PTGER4: variants seen among roughly 807,000 people sequenced by gnomAD.
PTGER4 encodes the protein prostaglandin E2 receptor EP4 subtype.
In PTGER4, 11 loss-of-function variants were observed where a neutral mutation model predicts 33.2. The observed-to-expected ratio is 0.33, with a 90% CI of 0.21 to 0.55. The LOEUF (loss-of-function observed/expected upper bound fraction) is 0.55, where lower values mean the gene tolerates loss of function less well. Ranked by LOEUF, PTGER4 falls within the 20% of genes least tolerant of loss-of-function variation. The pLI is 0.92. For missense variants in PTGER4, 481 were observed against 650.2 expected, an observed-to-expected ratio of 0.74 and a Z score of 2.83; for synonymous variants, 275 against 281.5, an observed-to-expected ratio of 0.98 and a Z score of 0.23.
At chr5:40,687,415 C>T (rs917462308) in intron 2 of PTGER4, among the ~76,000 whole-genome samples, 1 of 152,164 alleles carries the variant, frequency 6.6e-6, no homozygotes, top group Non-Finnish European at 1.5e-5. Flanking sequence ...ACTGCCTGAA[C>T]TTGTTTAATT....
chr5:40,691,755 A>C lies in PTGER4; in HGVS notation c.868-24A>C, dbSNP rs1175293106. On this transcript the variant is annotated intron_variant, in intron 2 of 2. Coordinates refer to ENST00000302472, the MANE Select transcript of PTGER4 (RefSeq NM_000958.3). The surrounding 1 kb of genome is among the most constrained non-coding windows in gnomAD (Gnocchi z 4.2). ...TCCCAATTGATTAATGATGAAATCT[A>C]AATGTGCGATCTCACTTATGCAGGT... 1 of 1,592,126 alleles carries C rather than the reference A, an allele frequency of 6.3e-7. No homozygotes were observed. The highest frequency in any genetic ancestry group is 1.8e-5 in the Admixed American group (1 of 56,760).
the PTGER4 span, chr5:40,730,494 T>C: frequency 1.4e-5 from 8 of 564,762 alleles, no homozygotes; most frequent in South Asian, 5.2e-5. Flanking sequence ...TAAGTACATA[T>C]AGTTCATTCA....
At chr5:40,746,373 C>T in the PTGER4 span, among the ~76,000 whole-genome samples, 2 of 152,074 alleles carry the variant, frequency 1.3e-5, no homozygotes, top group Non-Finnish European at 2.9e-5. Flanking sequence ...CAAAGAATAA[C>T]TAAATACCTA....
the PTGER4 span, among the ~76,000 whole-genome samples, chr5:40,738,841 AT>A: frequency 2.0e-3 from 311 of 152,014 alleles, 1 homozygote; most frequent in Non-Finnish European, 3.6e-3. Flanking sequence ...TCATTCATAT[AT>A]TTTCTTTTGT....
At chr5:40,728,009 T>TG in the PTGER4 span, among the ~76,000 whole-genome samples, 1 of 151,978 alleles carries the variant, frequency 6.6e-6, no homozygotes, top group Non-Finnish European at 1.5e-5. Flanking sequence ...AGACTGGGCA[T>TG]GTTGGCTCAC....
downstream of PTGER4, among the ~76,000 whole-genome samples, chr5:40,696,469 A>G (rs375559153): frequency 3.3e-5 from 5 of 152,224 alleles, no homozygotes; most frequent in African/African-American, 1.2e-4. Context: ...CAAGACGCTT[A>G]CAACAAGAGA....
chr5:40,710,257 G>A, the PTGER4 span, among the ~76,000 whole-genome samples: 1 of 152,130 alleles, frequency 6.6e-6, no homozygotes, highest in African/African-American at 2.4e-5. Context: ...CCATCAAAAA[G>A]TGGGCAAAGG....
At chr5:40,694,851 A>G (rs565936269), downstream of PTGER4, among the ~76,000 whole-genome samples, 2 of 152,340 alleles carry the variant, frequency 1.3e-5, no homozygotes, top group Admixed American at 6.5e-5. Context: ...CATCTATTCC[A>G]TATTTATTTG....
At chr5:40,717,242 A>G in the PTGER4 span, among the ~76,000 whole-genome samples, 1 of 151,804 alleles carries the variant, frequency 6.6e-6, no homozygotes, top group Non-Finnish European at 1.5e-5. Flanking sequence ...AAAAAAAAAA[A>G]AAAAAGATTT....
At chr5:40,737,705 T>A in the PTGER4 span, among the ~76,000 whole-genome samples, 1 of 152,194 alleles carries the variant, frequency 6.6e-6, no homozygotes, top group Non-Finnish European at 1.5e-5. Flanking sequence ...AACATTTTTG[T>A]CAATCCAAAA....
In PTGER4 at chr5:40,685,799, G is replaced by A. The variant is rs138562315; in HGVS notation, c.867+3939G>A. Among the ~76,000 whole-genome samples, 150 of 152,260 alleles carry A rather than the reference G, an allele frequency of 9.9e-4. 1 individual carries two copies. The highest frequency in any genetic ancestry group is 3.2e-3 in the African/African-American group (134 of 41,542). On this transcript the variant is annotated intron_variant, in intron 2 of 2. Transcript: ENST00000302472. ...ACAGGGTAGCTATAGGTGAGTCCTC[G>A]TCTAATGCTCATTTCACCATGCTTT...
In PTGER4 at chr5:40,680,656, C is replaced by T. The variant is rs891492310; in HGVS notation, c.-44+178C>T. Among the ~76,000 whole-genome samples the T allele has an allele frequency of 6.6e-6, 1 of 152,220 alleles. No homozygotes were observed. Among genetic ancestry groups the T allele is most frequent in the African/African-American group, 2.4e-5 (1 of 41,456 alleles). ...AGAATAGCACTAGCGAGCTACTTTT[C>T]CCTTGAGATGGGTCTTATTCATCTT... On this transcript the variant is annotated intron_variant, in intron 1 of 2. Transcript: ENST00000302472. This position sits in a 1 kb window ranked among gnomAD's most constrained non-coding sequence, Gnocchi z 5.5.
the PTGER4 span, among the ~76,000 whole-genome samples, chr5:40,741,103 A>G: frequency 2.6e-5 from 4 of 152,206 alleles, no homozygotes; most frequent in Non-Finnish European, 4.4e-5. Flanking sequence ...CACAGTTTCC[A>G]ACTCTTTGGC....
chr5:40,744,317 G>A, the PTGER4 span, among the ~76,000 whole-genome samples: 1 of 152,082 alleles, frequency 6.6e-6, no homozygotes, highest in Non-Finnish European at 1.5e-5. Flanking sequence ...CCCAATTTGA[G>A]ATGCTAGTAT....
chr5:40,728,951 C>T, the PTGER4 span, among the ~76,000 whole-genome samples: 1 of 152,094 alleles, frequency 6.6e-6, no homozygotes, highest in Non-Finnish European at 1.5e-5. Context: ...TCAAACCATA[C>T]ATACTAGGAA....
the PTGER4 span, among the ~76,000 whole-genome samples, chr5:40,739,885 T>C: frequency 1.3e-5 from 2 of 152,198 alleles, no homozygotes; most frequent in Admixed American, 1.3e-4. Flanking sequence ...CATGTTTTGC[T>C]GAATTTTTTT....
the PTGER4 span, among the ~76,000 whole-genome samples, chr5:40,725,830 G>A: frequency 7.0e-6 from 1 of 143,696 alleles, no homozygotes; most frequent in Non-Finnish European, 1.5e-5. Context: ...CTGTCACCCA[G>A]GCTGGAGTGC....
chr5:40,690,578 AAC>A (rs1741443011), intron 2 of PTGER4, among the ~76,000 whole-genome samples: 1 of 152,226 alleles, frequency 6.6e-6, no homozygotes, highest in African/African-American at 2.4e-5. Flanking sequence ...ATAACTGGGG[AAC>A]AGAGTCATAG....
At chr5:40,702,200 G>A in the PTGER4 span, among the ~76,000 whole-genome samples, 2 of 152,020 alleles carry the variant, frequency 1.3e-5, no homozygotes, top group South Asian at 2.1e-4. Context: ...ATGTAAACAG[G>A]CCAAATGTCC....
Sources: gnomAD v4.1 joint callset for allele counts (sites outside exome capture counted in the v4.1 genomes callset) on GRCh38, gnomAD v4.1.1 for gene constraint, Gnocchi (gnomAD v3.1) non-coding constraint, MANE v1.5 for transcripts, NCBI Gene and HGNC (gene_info 2026-07-23, HGNC 2026-07-21) for gene names.